The following LRRTM4 variants were observed in gnomAD, a reference collection of about 807,000 sequenced individuals.
The protein encoded by LRRTM4 is leucine-rich repeat transmembrane neuronal protein 4.
Under a neutral mutation model 47.6 loss-of-function variants are expected in LRRTM4, and 25 were observed. The ratio of observed to expected loss-of-function variants is 0.53; its 90% CI spans 0.38 to 0.73. The LOEUF (loss-of-function observed/expected upper bound fraction) is 0.73, where lower values mean the gene tolerates loss of function less well. Ranked by LOEUF, LRRTM4 falls within the 30% of genes least tolerant of loss-of-function variation. LRRTM4 has a pLI of 0.00. For synonymous variants in LRRTM4, 311 were observed against 269.5 expected (o/e 1.15, Z -1.51); for missense variants, 638 against 713.4 (o/e 0.89, Z 1.20).
At chr2:77,098,289 G>A (rs1388307430) in intron 3 of LRRTM4, among the ~76,000 whole-genome samples, 2 of 151,958 alleles carry the variant, frequency 1.3e-5, no homozygotes, top group African/African-American at 4.8e-5. Flanking sequence ...CATACATGTG[G>A]TATTGACATA....
chr2:76,846,592 GAAAT>G (rs1234006797), intron 3 of LRRTM4, among the ~76,000 whole-genome samples: 1 of 151,420 alleles, frequency 6.6e-6, no homozygotes, highest in East Asian at 1.9e-4. Flanking sequence ...GTTCATCACA[GAAAT>G]AAAGAGAAAC....
chr2:76,923,888 T>C (rs1022726187), intron 3 of LRRTM4, among the ~76,000 whole-genome samples: 1 of 152,136 alleles, frequency 6.6e-6, no homozygotes, highest in Non-Finnish European at 1.5e-5. Flanking sequence ...AATATCTTAT[T>C]GCCTTTTTTT....
chr2:77,235,943 G>T (rs1367206314), intron 3 of LRRTM4, among the ~76,000 whole-genome samples: 3 of 152,126 alleles, frequency 2.0e-5, no homozygotes, highest in African/African-American at 7.2e-5. Flanking sequence ...ACAGTTTGAA[G>T]TCAGGTAATG....
intron 3 of LRRTM4, among the ~76,000 whole-genome samples, chr2:76,921,950 C>G (rs903427779): frequency 3.3e-5 from 5 of 152,066 alleles, no homozygotes; most frequent in East Asian, 1.9e-4. Flanking sequence ...TTTGCATTTT[C>G]ACGTTCATTG....
intron 3 of LRRTM4, among the ~76,000 whole-genome samples, chr2:77,143,893 G>A (rs1672189011): frequency 6.6e-6 from 1 of 152,204 alleles, no homozygotes; most frequent in Admixed American, 6.5e-5. Flanking sequence ...CAAAGTTAAT[G>A]AGTTTACACA....
chr2:77,211,594 T>G (rs1449934778), intron 3 of LRRTM4, among the ~76,000 whole-genome samples: 1 of 152,118 alleles, frequency 6.6e-6, no homozygotes, highest in Non-Finnish European at 1.5e-5. Flanking sequence ...TCTTGCTAGT[T>G]TCAGTTATTA....
chr2:77,224,911 A>G (rs1214933949), intron 3 of LRRTM4, among the ~76,000 whole-genome samples: 3 of 152,134 alleles, frequency 2.0e-5, no homozygotes, highest in Admixed American at 6.5e-5. Flanking sequence ...AGACACATGC[A>G]CACGTATGTT....
At chr2:76,884,897 T>C (rs1487080317) in intron 3 of LRRTM4, among the ~76,000 whole-genome samples, 1 of 152,144 alleles carries the variant, frequency 6.6e-6, no homozygotes, top group Non-Finnish European at 1.5e-5. Context: ...TTATTGTACA[T>C]ATATAAGATG....
chr2:76,788,436 T>A (rs990229107), intron 3 of LRRTM4, among the ~76,000 whole-genome samples: 7 of 152,218 alleles, frequency 4.6e-5, no homozygotes, highest in Non-Finnish European at 8.8e-5. Flanking sequence ...AGAACAAAAA[T>A]AAGCTTTAAC....
chr2:77,465,103 C>T (rs992408668), intron 3 of LRRTM4, among the ~76,000 whole-genome samples: 6 of 152,028 alleles, frequency 3.9e-5, no homozygotes, highest in African/African-American at 1.4e-4. Flanking sequence ...TTATTGAAGT[C>T]CCACACTGTA....
intron 3 of LRRTM4, among the ~76,000 whole-genome samples, chr2:76,974,124 A>T (rs1676314088): frequency 6.8e-6 from 1 of 146,516 alleles, no homozygotes; most frequent in Non-Finnish European, 1.5e-5. Context: ...TTATTAACAC[A>T]TTTGCTCATA....
At chr2:77,437,414 G>A (rs1675646691) in intron 3 of LRRTM4, among the ~76,000 whole-genome samples, 2 of 151,976 alleles carry the variant, frequency 1.3e-5, no homozygotes, top group African/African-American at 4.8e-5. Flanking sequence ...CAACCCCACT[G>A]ACTTTTTAAG....
intron 3 of LRRTM4, among the ~76,000 whole-genome samples, chr2:77,424,514 T>C (rs1180207520): frequency 6.6e-6 from 1 of 152,208 alleles, no homozygotes; most frequent in Non-Finnish European, 1.5e-5. Flanking sequence ...ATCATTCTGC[T>C]ATAGAATAGT....
chr2:76,762,837 T>C (rs1446289438), intron 3 of LRRTM4, among the ~76,000 whole-genome samples: 1 of 152,172 alleles, frequency 6.6e-6, no homozygotes, highest in East Asian at 1.9e-4. Context: ...ATAAATTACA[T>C]AGCATTTTAA....
intron 3 of LRRTM4, among the ~76,000 whole-genome samples, chr2:77,398,306 G>A (rs773290133): frequency 6.6e-6 from 1 of 151,910 alleles, no homozygotes; most frequent in Non-Finnish European, 1.5e-5. Flanking sequence ...CATCTTCACT[G>A]AAACCTGTGG....
At chr2:76,937,810 C>T (rs1281685662) in intron 3 of LRRTM4, among the ~76,000 whole-genome samples, 1 of 152,094 alleles carries the variant, frequency 6.6e-6, no homozygotes, top group Non-Finnish European at 1.5e-5. Context: ...TCGTGATCCG[C>T]CCACCTCAGG....
At position 76,803,234 on chromosome 2, in the gene LRRTM4, T is replaced by A. The variant is rs1233598173; in HGVS notation, c.1552-54318A>T. Among the ~76,000 whole-genome samples the A allele has an allele frequency of 2.0e-5, 3 of 152,052 alleles. No individual in the cohort carries two copies. In the South Asian group the frequency reaches 6.2e-4, roughly 31 times the overall value. On this transcript the variant is annotated intron_variant, in intron 3 of 3. Coordinates refer to ENST00000409884, the MANE Select transcript of LRRTM4 (RefSeq NM_001134745.3). ...TTAATATCCAAAATATATAAGGAAC[T>A]CAAACCACTCAATAGCAAAAAACAA...
intron 3 of LRRTM4, among the ~76,000 whole-genome samples, chr2:76,932,204 A>G (rs1674792855): frequency 6.6e-6 from 1 of 152,216 alleles, no homozygotes; most frequent in Non-Finnish European, 1.5e-5. Flanking sequence ...CTAGACTTTA[A>G]GCTGAAAACC....
chr2:77,273,972 C>CT (rs549722143), intron 3 of LRRTM4, among the ~76,000 whole-genome samples: 3 of 151,712 alleles, frequency 2.0e-5, no homozygotes, highest in African/African-American at 4.8e-5. Context: ...TCATGAAATC[C>CT]TTTTTTTTAA....
Sources: allele counts gnomAD v4.1 joint callset (sites outside exome capture counted in the v4.1 genomes callset), GRCh38; gene constraint gnomAD v4.1.1; transcripts MANE v1.5; gene names NCBI Gene and HGNC (gene_info 2026-07-23, HGNC 2026-07-21).